TENM2: variants seen among roughly 807,000 people sequenced by gnomAD.
TENM2 encodes teneurin transmembrane protein 2.
Under a neutral mutation model 245.2 loss-of-function variants are expected in TENM2, and 52 were observed. The observed-to-expected ratio is 0.21, with a 90% confidence interval of 0.17 to 0.27. The LOEUF is 0.27. TENM2 is among the 10% of genes least tolerant of loss of function. The pLI is 1.00. For missense variants in TENM2, 3,046 were observed against 3,666.8 expected, an observed-to-expected ratio of 0.83 and a Z score of 4.37; for synonymous variants, 1,363 against 1,438.9, an observed-to-expected ratio of 0.95 and a Z score of 1.19.
At chr5:168,131,002 A>G (rs2152375352) in intron 12 of TENM2, among the ~76,000 whole-genome samples, 1 of 152,362 alleles carries the variant, frequency 6.6e-6, no homozygotes, top group South Asian at 2.1e-4. Context: ...AGAACTATAT[A>G]TAGTAAATGT....
intron 12 of TENM2, among the ~76,000 whole-genome samples, chr5:168,145,036 T>G (rs1476847229): frequency 1.3e-5 from 2 of 152,018 alleles, no homozygotes; most frequent in Non-Finnish European, 2.9e-5. Context: ...TGTTTGTTTC[T>G]TTCTTGTAAA....
the TENM2 span, among the ~76,000 whole-genome samples, chr5:167,155,485 A>G: frequency 1.3e-5 from 2 of 152,076 alleles, no homozygotes; most frequent in African/African-American, 4.8e-5. Flanking sequence ...TTGCCCCTGA[A>G]CCCTTTTTAG....
rs376476727 is a variant in TENM2, at chr5:167,749,552, C to T, written c.503-126434C>T. 2.3e-4 allele frequency among the ~76,000 whole-genome samples: 35 copies of T among 151,854 alleles called. 1 individual carries two copies. The East Asian group carries it at 4.7e-3, about 20-fold the overall frequency. On this transcript the variant is annotated intron_variant, in intron 2 of 28. Coordinates refer to ENST00000518659, the Ensembl canonical transcript of TENM2. Reference sequence around the variant, plus strand: ...ACTCAGGAGGCTGAGGCAGGAGAATCGCTTGAAACCGGAAGGCAGAGGTTG... The same window carrying T: ...ACTCAGGAGGCTGAGGCAGGAGAATTGCTTGAAACCGGAAGGCAGAGGTTG...
intron 4 of TENM2, chr5:167,967,165 T>A (rs1488003594): frequency 1.3e-5 from 2 of 152,158 alleles, no homozygotes; most frequent in African/African-American, 2.4e-5. Context: ...GTCTTTTTTT[T>A]TTCTTGGCAG....
At chr5:167,100,831 T>G in the TENM2 span, among the ~76,000 whole-genome samples, 1 of 152,184 alleles carries the variant, frequency 6.6e-6, no homozygotes, top group Non-Finnish European at 1.5e-5. Context: ...TTCAAACATT[T>G]TGATGACTCA....
the TENM2 span, among the ~76,000 whole-genome samples, chr5:167,101,018 C>A: frequency 6.6e-6 from 1 of 152,198 alleles, no homozygotes; most frequent in Admixed American, 6.5e-5. Flanking sequence ...ACTTGCATCA[C>A]TTTTCAAATA....
intron 2 of TENM2, among the ~76,000 whole-genome samples, chr5:167,505,413 T>C (rs997919941): frequency 1.2e-4 from 18 of 152,162 alleles, no homozygotes; most frequent in African/African-American, 4.1e-4. Context: ...TGCCACTTAG[T>C]TGTTTAGAGT....
the TENM2 span, among the ~76,000 whole-genome samples, chr5:167,074,846 C>A: frequency 6.6e-6 from 1 of 152,104 alleles, no homozygotes; most frequent in Non-Finnish European, 1.5e-5. Context: ...GCTCAGCACA[C>A]CTTACCCTTC....
At chr5:167,574,851 C>A (rs189402445) in intron 2 of TENM2, among the ~76,000 whole-genome samples, 1 of 152,160 alleles carries the variant, frequency 6.6e-6, no homozygotes, top group East Asian at 1.9e-4. Flanking sequence ...AGAAATATGT[C>A]CCTTTTGTGT....
the TENM2 span, among the ~76,000 whole-genome samples, chr5:167,029,876 G>A: frequency 6.6e-6 from 1 of 152,182 alleles, no homozygotes; most frequent in African/African-American, 2.4e-5. Flanking sequence ...TAAAGTGGAT[G>A]TGAGGAGGTT....
chr5:167,562,602 A>G (rs141154633), intron 2 of TENM2, among the ~76,000 whole-genome samples: 1 of 152,244 alleles, frequency 6.6e-6, no homozygotes, highest in Non-Finnish European at 1.5e-5. Flanking sequence ...TTCTCCTGAG[A>G]AGAGCTCAGA....
At chr5:167,677,041 G>A (rs548683835) in intron 2 of TENM2, among the ~76,000 whole-genome samples, 16 of 152,052 alleles carry the variant, frequency 1.1e-4, no homozygotes, top group Admixed American at 2.0e-4. Flanking sequence ...TTCCCTCTGC[G>A]CTCCATGCAG....
chr5:168,041,649 T>C (rs1474217613), intron 5 of TENM2, among the ~76,000 whole-genome samples: 2 of 152,194 alleles, frequency 1.3e-5, no homozygotes, highest in Non-Finnish European at 2.9e-5. Context: ...TTTTCACTTA[T>C]GTGTTTAGTT....
chr5:167,268,918 A>G, the TENM2 span, among the ~76,000 whole-genome samples: 212 of 151,798 alleles, frequency 1.4e-3, 1 homozygote, highest in Middle Eastern at 3.4e-3. Context: ...AGATAGATAG[A>G]TAGATAGATA....
At chr5:167,934,919 A>T in intron 3 of TENM2, 1 of 985,536 alleles carries the variant, frequency 1.0e-6, no homozygotes, top group Non-Finnish European at 1.2e-6. Flanking sequence ...TGAGTCGTCC[A>T]GGTAGGCAGA....
chr5:167,967,984 G>A (rs1471287208), intron 4 of TENM2, among the ~76,000 whole-genome samples: 2 of 152,126 alleles, frequency 1.3e-5, no homozygotes, highest in African/African-American at 2.4e-5. Flanking sequence ...TAAGGCATCC[G>A]CAGTCCTACC....
chr5:167,302,719 TG>T lies in TENM2; in HGVS notation c.226+17662del, dbSNP rs1397676641. Among the ~76,000 whole-genome samples, 3 of 148,600 alleles carry T rather than the reference TG, an allele frequency of 2.0e-5. No individual in the cohort carries two copies. The South Asian group carries it at 6.7e-4, about 33-fold the overall frequency. On this transcript the variant is annotated intron_variant, in intron 1 of 28. Coordinates refer to ENST00000518659, the Ensembl canonical transcript of TENM2. ...CCACTAAGGGTGAAGGAGAAGGGGT[TG>T]GGGGGTTCTTACTGCCCAGAAAAGC...
chr5:168,215,549 G>A (rs1763114326), intron 21 of TENM2, among the ~76,000 whole-genome samples: 1 of 152,080 alleles, frequency 6.6e-6, no homozygotes, highest in Admixed American at 6.6e-5. Flanking sequence ...GGCGCCTGTA[G>A]TCCCAGCTAC....
chr5:167,677,385 A>C (rs1031916283), intron 2 of TENM2, among the ~76,000 whole-genome samples: 5 of 151,962 alleles, frequency 3.3e-5, no homozygotes, highest in Admixed American at 2.0e-4. Context: ...GGAATAGATG[A>C]GGTAGAGAAC....
Sources: gnomAD v4.1 joint callset for allele counts (sites outside exome capture counted in the v4.1 genomes callset) on GRCh38, gnomAD v4.1.1 for gene constraint, MANE v1.5 for transcripts, NCBI Gene and HGNC (gene_info 2026-07-23, HGNC 2026-07-21) for gene names.